ZNF592: variants seen among roughly 807,000 people sequenced by gnomAD.
ZNF592 encodes the protein spinocerebellar ataxia, autosomal recessive 5.
Under a neutral mutation model 80.3 loss-of-function variants are expected in ZNF592, and 11 were observed. The observed-to-expected ratio is 0.14, with a 90% CI of 0.09 to 0.23. The LOEUF (loss-of-function observed/expected upper bound fraction) is 0.23, where lower values mean the gene tolerates loss of function less well. Among genes scored for constraint, ZNF592 ranks in the 10% least tolerant of loss-of-function variants. ZNF592 has a pLI of 1.00. For missense variants in ZNF592, 1,420 were observed against 1,633.9 expected (o/e 0.87, Z 2.26); for synonymous variants, 646 against 640.3 (o/e 1.01, Z -0.13).
intron 2 of ZNF592, among the ~76,000 whole-genome samples, chr15:84,765,915 C>T (rs1404623772): frequency 2.6e-5 from 4 of 151,726 alleles, no homozygotes; most frequent in Non-Finnish European, 5.9e-5. Context: ...GGGTGGGTCC[C>T]TATTGTGTTG....
intron 5 of ZNF592, among the ~76,000 whole-genome samples, chr15:84,796,674 T>A (rs1306936001): frequency 1.3e-5 from 2 of 151,946 alleles, no homozygotes; most frequent in Non-Finnish European, 2.9e-5. Flanking sequence ...AGAAAAATGG[T>A]TTAAGACAAT....
At chr15:84,763,925 T>A (rs1244385671) in intron 1 of ZNF592, among the ~76,000 whole-genome samples, 2 of 152,196 alleles carry the variant, frequency 1.3e-5, no homozygotes, top group African/African-American at 4.8e-5. Flanking sequence ...ATTAGTAGCT[T>A]CCAAAGTTCT....
intron 3 of ZNF592, among the ~76,000 whole-genome samples, chr15:84,779,709 A>G (rs1962364029): frequency 6.6e-6 from 1 of 152,034 alleles, no homozygotes; most frequent in African/African-American, 2.4e-5. Flanking sequence ...CACACTATTT[A>G]CTAGCTCTGA....
intron 1 of ZNF592, among the ~76,000 whole-genome samples, chr15:84,761,050 A>G (rs897557931): frequency 7.2e-5 from 11 of 151,794 alleles, no homozygotes; most frequent in Admixed American, 4.6e-4. Flanking sequence ...TGCAACCTCC[A>G]TCTCCCGGAT....
At chr15:84,780,189 G>C (rs1210108884) in intron 3 of ZNF592, among the ~76,000 whole-genome samples, 1 of 152,012 alleles carries the variant, frequency 6.6e-6, no homozygotes, top group Non-Finnish European at 1.5e-5. Flanking sequence ...ATTTCACTAT[G>C]TTGGCCAGGC....
In ZNF592 at chr15:84,784,293, C is replaced by T. The variant is rs143880466; in HGVS notation, c.1618C>T (p.Leu540=). The T allele has an allele frequency of 1.1e-3, 1,704 of 1,614,248 alleles. 7 individuals are homozygous for T. The highest frequency in any genetic ancestry group is 5.9e-3 in the Middle Eastern group (36 of 6,062). Residue 540 remains leucine, a synonymous_variant, in exon 4 of 11, where the codon CTG becomes TTG. Coordinates refer to ENST00000560079, the MANE Select transcript of ZNF592 (RefSeq NM_014630.3). This position sits in a 1 kb window ranked among gnomAD's most constrained non-coding sequence, Gnocchi z 5.8. ...ACAGCTTACACAAATGTCGGTGCCC[C>T]TGGTCCACCAGGTGAAAAAGGCTGC... ...QPQLTQMSVP[L]VHQVKKAAPL... is the part of the protein sequence containing the mutation.
intron 2 of ZNF592, among the ~76,000 whole-genome samples, chr15:84,776,857 C>T (rs1458626293): frequency 6.6e-6 from 1 of 151,924 alleles, no homozygotes; most frequent in East Asian, 1.9e-4. Context: ...CAAGGCCACC[C>T]TGGCTAACAT....
intron 4 of ZNF592, among the ~76,000 whole-genome samples, chr15:84,785,394 C>G (rs2093372046): frequency 6.6e-6 from 1 of 152,178 alleles, no homozygotes; most frequent in Non-Finnish European, 1.5e-5. Flanking sequence ...TCACTACAAC[C>G]TCTGCCTCTG....
At chr15:84,777,436 A>G (rs1962287204) in intron 2 of ZNF592, among the ~76,000 whole-genome samples, 1 of 150,082 alleles carries the variant, frequency 6.7e-6, no homozygotes, top group African/African-American at 2.5e-5. Flanking sequence ...AGATCACGCC[A>G]CTGCATTCCA....
intron 2 of ZNF592, among the ~76,000 whole-genome samples, chr15:84,775,164 T>G (rs1962207774): frequency 2.0e-5 from 3 of 151,708 alleles, no homozygotes; most frequent in Admixed American, 2.0e-4. Context: ...GGTGCAATCT[T>G]GGCTCACTGC....
chr15:84,751,594 A>C (rs72753026), intron 1 of ZNF592, among the ~76,000 whole-genome samples: 1 of 148,606 alleles, frequency 6.7e-6, no homozygotes, highest in Non-Finnish European at 1.5e-5. Context: ...AATTTTTATT[A>C]CTTTTTTTTT....
At chr15:84,748,860 C>G (rs1381768602) in intron 1 of ZNF592, among the ~76,000 whole-genome samples, 196 bp downstream of exon 1, 1 of 147,918 alleles carries the variant, frequency 6.8e-6, no homozygotes, top group African/African-American at 2.4e-5. Flanking sequence ...GGGCCGCCAC[C>G]CCACCCCGCC....
chr15:84,759,972 G>A (rs1485603655), intron 1 of ZNF592, among the ~76,000 whole-genome samples: 1 of 39,350 alleles, frequency 2.5e-5, no homozygotes, highest in African/African-American at 8.8e-5. Flanking sequence ...CCCCCACCCT[G>A]CCATTTAAAA....
In ZNF592 at chr15:84,790,725, G is replaced by A. The variant is rs557731421; in HGVS notation, c.2241G>A (p.Met747Ile). The A allele has an allele frequency of 1.8e-5, 29 of 1,614,224 alleles. No homozygotes were observed. Among genetic ancestry groups the A allele is most frequent in the Non-Finnish European group, 2.4e-5 (28 of 1,180,052 alleles). Reference protein sequence around the residue: ...TEGLTCQVCQMLLPNQCSFCA... With the variant: ...TEGLTCQVCQILLPNQCSFCA... ...CCTAGACCTGCCAGGTATGCCAAAT[G>A]CTGCTGCCCAACCAGTGCAGTTTCT... is the stretch of plus-strand genomic sequence containing the variant. The change falls in exon 5 of 11, where the codon ATG (methionine) becomes ATA (isoleucine). Residue 747 changes from methionine (M) to isoleucine (I), a missense_variant. Met to Ile is a conservative substitution (Grantham distance 10, BLOSUM62 1). Around this residue, in one of 7 missense-constraint regions of ZNF592, gnomAD observed 524 missense variants for 628.3 expected, o/e 0.83. Transcript: ENST00000560079.
At chr15:84,760,384 G>T (rs2044128370) in intron 1 of ZNF592, among the ~76,000 whole-genome samples, 1 of 152,088 alleles carries the variant, frequency 6.6e-6, no homozygotes, top group African/African-American at 2.4e-5. Context: ...TCAGAACTGA[G>T]AATATATTCA....
intron 5 of ZNF592, among the ~76,000 whole-genome samples, chr15:84,795,801 A>G (rs1962877947): frequency 6.6e-6 from 1 of 152,194 alleles, no homozygotes; most frequent in African/African-American, 2.4e-5. Context: ...TGCTCTGTGG[A>G]GTTTATCACA....
At chr15:84,760,583 G>A (rs1471120145) in intron 1 of ZNF592, among the ~76,000 whole-genome samples, 1 of 152,182 alleles carries the variant, frequency 6.6e-6, no homozygotes, top group African/African-American at 2.4e-5. Context: ...CTGGCACACA[G>A]TAATGGTGCT....
Position 84,784,702 on chromosome 15 carries a change from C to A in ZNF592, c.2027C>A (p.Ala676Asp), listed in dbSNP as rs1047483518. Residue 676 changes from alanine to aspartate, a missense_variant, in exon 4 of 11, where the codon GCC becomes GAC. Coordinates refer to ENST00000560079, the MANE Select transcript of ZNF592 (RefSeq NM_014630.3). The surrounding 1 kb of genome is among the most constrained non-coding windows in gnomAD (Gnocchi z 5.8). The stretch of plus-strand genomic sequence containing the variant: ...AACTCCACGGCACCAGCAGCCCCAG[C>A]CCCTTCATCCTCTCCCAAACATGGC... ...PVNSTAPAAP[A>D]PSSSPKHGLT... 8 of 1,613,982 alleles carry A rather than the reference C, an allele frequency of 5.0e-6. No individual in the cohort carries two copies. The African/African-American group carries it at 1.1e-4, about 22-fold the overall frequency.
chr15:84,778,559 A>G (rs1158493663), intron 3 of ZNF592, among the ~76,000 whole-genome samples: 1 of 152,116 alleles, frequency 6.6e-6, no homozygotes, highest in Non-Finnish European at 1.5e-5. Context: ...GGGTGGACCC[A>G]GTTTCTAATG....
Sources: gnomAD v4.1 joint callset for allele counts (sites outside exome capture counted in the v4.1 genomes callset) on GRCh38, gnomAD v4.1.1 for gene constraint, gnomAD v4.1.1 regional missense constraint, Gnocchi (gnomAD v3.1) non-coding constraint, MANE v1.5 for transcripts, NCBI Gene and HGNC (gene_info 2026-07-23, HGNC 2026-07-21) for gene names.